The following ZFY variants were observed in gnomAD, a reference collection of about 807,000 sequenced individuals.
ZFY encodes zinc finger Y-chromosomal protein.
For synonymous variants in ZFY, 47 were observed against 55.8 expected, an observed-to-expected ratio of 0.84 and a Z score of 0.71; for missense variants, 113 against 170.9, an observed-to-expected ratio of 0.66 and a Z score of 1.89.
At chrY:2,936,591 G>A in intron 1 of ZFY, among the ~76,000 whole-genome samples, 6 of 33,714 alleles carry the variant, frequency 1.8e-4, no homozygotes, top group Non-Finnish European at 4.4e-4. Context: ...TTTTTAGTCC[G>A]TGTACTTTTT....
chrY:2,959,417 CAG>C (rs2051302247), intron 2 of ZFY, among the ~76,000 whole-genome samples: 1 of 33,251 alleles, frequency 3.0e-5, no homozygotes, highest in South Asian at 6.7e-4. Context: ...AAACTGAACT[CAG>C]AGGTTAGATG....
chrY:2,976,806 A>G lies in ZFY; in HGVS notation c.1065A>G (p.Ala355=). 2.5e-6 allele frequency: 1 copy of G among 396,901 alleles called. No homozygotes were observed. Among genetic ancestry groups the G allele is most frequent in the Non-Finnish European group, 3.5e-6 (1 of 282,524 alleles). Reference sequence around the variant, plus strand: ...AAATGAAAACCTTCGTACCAATTGCATGGGCAGCAGCTTATGGTAACTTAC... The same window carrying G: ...AAATGAAAACCTTCGTACCAATTGCGTGGGCAGCAGCTTATGGTAACTTAC... ...EDEMKTFVPI[A]WAAAYGNNSD... is the part of the protein sequence containing the mutation. Residue 355 remains alanine (A), a synonymous_variant, in exon 6 of 8, where the codon GCA becomes GCG. Transcript: ENST00000155093.
intron 5 of ZFY, among the ~76,000 whole-genome samples, chrY:2,975,929 T>G: frequency 3.1e-5 from 1 of 32,173 alleles, no homozygotes; most frequent in Non-Finnish European, 7.6e-5. Context: ...TGAGAACATG[T>G]GACGTTTGGT....
Position 2,979,261 on chromosome Y carries a change from A to G in ZFY, c.1674A>G (p.Glu558=). The G allele has an allele frequency of 5.0e-6, 2 of 399,237 alleles. No individual in the cohort carries two copies. Among genetic ancestry groups the G allele is most frequent in the South Asian group, 5.9e-5 (2 of 33,788 alleles). The change falls in exon 8 of 8, where the codon GAA becomes GAG. Residue 558 remains glutamate, a synonymous_variant. Transcript: ENST00000155093. The stretch of plus-strand genomic sequence containing the variant: ...GTAAAGGTTTCCGACACCCGTCGGA[A>G]CTGAGAAAGCACATGCGAATCCATA... ...ECGKGFRHPS[E]LRKHMRIHTG... is the part of the protein sequence containing the mutation.
intron 1 of ZFY, among the ~76,000 whole-genome samples, chrY:2,950,856 GTGGT>G (rs2051276523): frequency 3.0e-5 from 1 of 33,274 alleles, no homozygotes; most frequent in South Asian, 6.7e-4. Flanking sequence ...GTAGCAGTTC[GTGGT>G]TGGTTTCTCA....
intron 3 of ZFY, among the ~76,000 whole-genome samples, chrY:2,965,672 A>G (rs2051325230): frequency 2.9e-5 from 1 of 33,993 alleles, no homozygotes; most frequent in Admixed American, 2.7e-4. Context: ...AAACTGGGAC[A>G]TATTCCTGAT....
chrY:2,942,571 T>G (rs2051248154), intron 1 of ZFY, among the ~76,000 whole-genome samples: 51 of 27,996 alleles, frequency 1.8e-3, no homozygotes, highest in Non-Finnish European at 3.4e-3. Flanking sequence ...CCTGCGTAAA[T>G]TTTTCTTTTT....
intron 1 of ZFY, among the ~76,000 whole-genome samples, chrY:2,940,441 T>C: frequency 5.9e-5 from 2 of 33,673 alleles, no homozygotes; most frequent in African/African-American, 2.3e-4. Flanking sequence ...TTATAAAATC[T>C]TCTGTCCTTA....
At chrY:2,961,678 T>C in intron 3 of ZFY, 32 bp downstream of exon 3, 1 of 364,374 alleles carries the variant, frequency 2.7e-6, no homozygotes, top group African/African-American at 6.4e-5. Flanking sequence ...TTTTAAGCAA[T>C]GTTTTTGAAA....
At chrY:2,944,419 C>G in intron 1 of ZFY, among the ~76,000 whole-genome samples, 1 of 30,322 alleles carries the variant, frequency 3.3e-5, no homozygotes, top group Non-Finnish European at 7.9e-5. Context: ...TGTTGATTTT[C>G]TCCTTTAATT....
At chrY:2,952,011 C>T in intron 1 of ZFY, among the ~76,000 whole-genome samples, 2 of 30,774 alleles carry the variant, frequency 6.5e-5, no homozygotes, top group Admixed American at 2.9e-4. Flanking sequence ...CTCCGTCTCC[C>T]GGGTTCACAC....
At chrY:2,958,559 C>G in intron 2 of ZFY, among the ~76,000 whole-genome samples, 1 of 33,354 alleles carries the variant, frequency 3.0e-5, no homozygotes, top group Non-Finnish European at 7.4e-5. Flanking sequence ...TGATTCTGTT[C>G]GAACTTTTGT....
rs201881491 is a variant in ZFY at position 2,937,280 on chromosome Y, G to A, written c.-29+1511G>A. On this transcript the variant is annotated intron_variant, in intron 1 of 7. Transcript: ENST00000155093. ...ACCACTTTGGGAGGCCGAAGTGCGC[G>A]GATCACCCGAGGTCAGGAGTTCGAA... Among the ~76,000 whole-genome samples the A allele has an allele frequency of 1.7e-3, 53 of 31,391 alleles. No individual in the cohort carries two copies. The East Asian group carries it at 0.044, about 26-fold the overall frequency. The allele number at this position is 31,391 out of a possible 37,273, so 84.2% of individuals were successfully genotyped here. A position where few individuals can be genotyped will look rare whatever the true frequency, so the allele number is the denominator to read the frequency against.
chrY:2,963,028 T>C, intron 3 of ZFY, among the ~76,000 whole-genome samples: 2 of 32,197 alleles, frequency 6.2e-5, no homozygotes, highest in Non-Finnish European at 1.5e-4. Context: ...AGGGGACATA[T>C]TTAGGGTTGA....
At chrY:2,968,299 C>A (rs2051335393) in intron 3 of ZFY, among the ~76,000 whole-genome samples, 3 of 29,827 alleles carry the variant, frequency 1.0e-4, no homozygotes, top group Non-Finnish European at 1.6e-4. Context: ...CAAATATGTT[C>A]ATGTTTTCAC....
Position 2,982,398 on chromosome Y carries a change from A to T in ZFY, c.*2405A>T. On this transcript the variant is annotated 3_prime_UTR_variant, in exon 8 of 8. Coordinates refer to ENST00000155093, the MANE Select transcript of ZFY (RefSeq NM_003411.4). Reference sequence around the variant, plus strand: ...TACAAATTGTAAAATACTTAAAATAACTATGAAGAATTCATATAGGAAGTG... The same window carrying T: ...TACAAATTGTAAAATACTTAAAATATCTATGAAGAATTCATATAGGAAGTG... 1 of 33,748 alleles carries T rather than the reference A, an allele frequency of 3.0e-5. No individual in the cohort carries two copies. Among genetic ancestry groups the T allele is most frequent in the South Asian group, 6.3e-4 (1 of 1,575 alleles). The allele number at this position is 33,748 out of a possible 400,897, so 8.4% of individuals were successfully genotyped here. A position where few individuals can be genotyped will look rare whatever the true frequency, so the allele number is the denominator to read the frequency against.
At chrY:2,968,309 C>CT (rs745468268) in intron 3 of ZFY, among the ~76,000 whole-genome samples, 47 of 24,680 alleles carry the variant, frequency 1.9e-3, no homozygotes, top group African/African-American at 5.6e-3. Flanking sequence ...CATGTTTTCA[C>CT]TTTTTTTTTT....
chrY:2,945,201 T>C (rs2051258330), intron 1 of ZFY, among the ~76,000 whole-genome samples: 1 of 33,313 alleles, frequency 3.0e-5, no homozygotes, highest in Non-Finnish European at 7.4e-5. Context: ...TTTTATCTTA[T>C]GACTTATAAA....
intron 3 of ZFY, among the ~76,000 whole-genome samples, chrY:2,961,972 G>GT (rs2051313461): frequency 3.1e-5 from 1 of 32,644 alleles, no homozygotes; most frequent in African/African-American, 1.2e-4. Context: ...CTTGTAATCA[G>GT]TTTTTTTAAA....
Sources: gnomAD v4.1 joint callset for allele counts (sites outside exome capture counted in the v4.1 genomes callset) on GRCh38, gnomAD v4.1.1 for gene constraint, MANE v1.5 for transcripts, NCBI Gene and HGNC (gene_info 2026-07-23, HGNC 2026-07-21) for gene names.